Variants in STK3 observed in about 807,000 individuals in gnomAD.
STK3 encodes serine/threonine kinase 3.
A neutral mutation model predicts 58.0 loss-of-function variants in STK3; 41 were observed. The ratio of observed to expected loss-of-function variants is 0.71; its 90% CI spans 0.55 to 0.92. The LOEUF (loss-of-function observed/expected upper bound fraction) is 0.92, where lower values mean the gene tolerates loss of function less well. Among genes scored for constraint, STK3 ranks in the 40% least tolerant of loss-of-function variants. The pLI, the probability that STK3 is intolerant of heterozygous loss-of-function variation, is 0.00. For missense variants in STK3, 479 were observed against 602.7 expected, an observed-to-expected ratio of 0.79 and a Z score of 2.15; for synonymous variants, 170 against 191.0, an observed-to-expected ratio of 0.89 and a Z score of 0.91.
chr8:98,400,035 C>T (rs145671739), downstream of STK3, among the ~76,000 whole-genome samples: 8 of 152,310 alleles, frequency 5.3e-5, no homozygotes, highest in African/African-American at 7.2e-5. Flanking sequence ...CTGCTACCCA[C>T]GCATCAGATC....
chr8:98,715,667 C>CT (rs889789902), intron 4 of STK3, among the ~76,000 whole-genome samples: 7 of 152,154 alleles, frequency 4.6e-5, no homozygotes, highest in Non-Finnish European at 8.8e-5. Flanking sequence ...AATAGGAACA[C>CT]TTTTACACTG....
intron 6 of STK3, chr8:98,597,544 A>G (rs935637433): frequency 1.0e-6 from 1 of 985,330 alleles, no homozygotes; most frequent in Non-Finnish European, 1.2e-6. Flanking sequence ...TATAATTTAG[A>G]GGTATCAAAA....
At chr8:98,789,660 A>G (rs1304991159) in intron 1 of STK3, among the ~76,000 whole-genome samples, 1 of 152,196 alleles carries the variant, frequency 6.6e-6, no homozygotes, top group Non-Finnish European at 1.5e-5. Flanking sequence ...CCTAGAGGAG[A>G]TAGATAAATT....
At chr8:98,409,618 C>CTTGCAATGTGAATT (rs886766494) in intron 3 of STK3, among the ~76,000 whole-genome samples, 7 of 152,252 alleles carry the variant, frequency 4.6e-5, no homozygotes, top group African/African-American at 1.7e-4. Context: ...GCTACCGCAC[C>CTTGCAATGTGAATT]TTGCAATGTG....
chr8:98,696,104 G>A lies in STK3; in HGVS notation c.684+10363C>T, dbSNP rs12545950. Among the ~76,000 whole-genome samples, 54 of 152,186 alleles carry A rather than the reference G, an allele frequency of 3.5e-4. No individual in the cohort carries two copies. In the South Asian group the frequency reaches 5.0e-3, roughly 14 times the overall value. ...TGTCCCTTGTAAGTTGGATTCCCAG[G>A]TATTTTATTCTCTTTGAAGCAATTG... is the stretch of plus-strand genomic sequence containing the variant. On this transcript the variant is annotated intron_variant, in intron 6 of 10. Coordinates refer to ENST00000419617, the MANE Select transcript of STK3 (RefSeq NM_006281.4).
intron 1 of STK3, among the ~76,000 whole-genome samples, chr8:98,910,131 T>C (rs1176406834): frequency 2.6e-5 from 4 of 152,244 alleles, no homozygotes; most frequent in Admixed American, 2.0e-4. Context: ...TATTGGTCTC[T>C]TGTACAGCTT....
chr8:98,793,675 C>A (rs1276943207), intron 1 of STK3, among the ~76,000 whole-genome samples: 1 of 152,196 alleles, frequency 6.6e-6, no homozygotes, highest in Non-Finnish European at 1.5e-5. Context: ...GACTTAAATT[C>A]AACACATGAT....
At chr8:98,744,456 T>A (rs1829488214) in intron 4 of STK3, among the ~76,000 whole-genome samples, 2 of 151,462 alleles carry the variant, frequency 1.3e-5, no homozygotes, top group South Asian at 2.1e-4. Context: ...TTGGAAATCA[T>A]CATTCTCAGT....
rs201122636 is a variant in STK3 at position 98,428,590 on chromosome 8, T to C, written n.483+5537A>G. 3.7e-4 allele frequency: 601 copies of C among 1,614,148 alleles called. No individual in the cohort carries two copies. The highest frequency in any genetic ancestry group is 7.6e-4 in the South Asian group (69 of 91,078). On this transcript the variant is annotated intron_variant and non_coding_transcript_variant, in intron 3 of 3. Coordinates refer to the STK3 transcript ENST00000517832. This position sits in a 1 kb window ranked among gnomAD's most constrained non-coding sequence, Gnocchi z 6.7. ...GTGGTGATGGGGTCCATCATCACCA[T>C]GTGCCTCAATAGCCTGCCCGATTTC...
At chr8:98,426,998 A>T (rs1025931111) in intron 3 of STK3, 1 of 148,580 alleles carries the variant, frequency 6.7e-6, no homozygotes. Flanking sequence ...GCCCCGTCAC[A>T]CCCGCTCTGC....
chr8:98,678,997 G>A (rs532260278), intron 6 of STK3, among the ~76,000 whole-genome samples: 2 of 152,170 alleles, frequency 1.3e-5, no homozygotes, highest in Non-Finnish European at 2.9e-5. Flanking sequence ...CTTTAGCATT[G>A]TCAGTGCTCT....
At chr8:98,694,269 T>G (rs1273385686) in intron 6 of STK3, among the ~76,000 whole-genome samples, 1 of 152,210 alleles carries the variant, frequency 6.6e-6, no homozygotes, top group Non-Finnish European at 1.5e-5. Flanking sequence ...CTCCTTATGT[T>G]TGAAAATATC....
rs981059028 is a variant in STK3, at chr8:98,800,119, C to A, written c.27-25300G>T. Among the ~76,000 whole-genome samples the A allele has an allele frequency of 1.3e-5, 2 of 152,208 alleles. No individual in the cohort carries two copies. The highest frequency in any genetic ancestry group is 2.4e-5 in the African/African-American group (1 of 41,446). On this transcript the variant is annotated intron_variant, in intron 1 of 10. Transcript: ENST00000419617. The surrounding 1 kb of genome is among the most constrained non-coding windows in gnomAD (Gnocchi z 4.8). ...TCTAGGTCCCGTGGCAGCCATCTTGCCGCTACTCGCCTTTGGACCCTATAT... is the reference window on the plus strand; with the variant it reads ...TCTAGGTCCCGTGGCAGCCATCTTGACGCTACTCGCCTTTGGACCCTATAT...
intron 4 of STK3, among the ~76,000 whole-genome samples, chr8:98,734,829 C>T (rs1158208695): frequency 6.6e-6 from 1 of 150,634 alleles, no homozygotes; most frequent in East Asian, 1.9e-4. Context: ...CACTTGACTC[C>T]TCAAAAAAAA....
intron 3 of STK3, among the ~76,000 whole-genome samples, chr8:98,869,625 C>G (rs541811745): frequency 1.3e-5 from 2 of 151,988 alleles, no homozygotes; most frequent in Non-Finnish European, 2.9e-5. Flanking sequence ...CTGGAGCCCC[C>G]GAAAGCTGGG....
intron 3 of STK3, among the ~76,000 whole-genome samples, chr8:98,421,801 T>G (rs55942631): frequency 0.056 from 8,480 of 151,990 alleles, 329 homozygotes; most frequent in Non-Finnish European, 0.084. Context: ...AATAAAAAAT[T>G]AATTATTCCA....
At chr8:98,427,851 G>A in intron 3 of STK3, 1 of 722,874 alleles carries the variant, frequency 1.4e-6, no homozygotes, top group Non-Finnish European at 2.2e-6. Flanking sequence ...CCCACCAGGA[G>A]GCCTGGGCCC....
chr8:98,750,710 T>G (rs1370138585), intron 3 of STK3, among the ~76,000 whole-genome samples: 1 of 151,958 alleles, frequency 6.6e-6, no homozygotes, highest in East Asian at 1.9e-4. Flanking sequence ...TGAAACTATT[T>G]CAAAAAATTG....
chr8:98,854,403 T>C (rs939684174), intron 3 of STK3, among the ~76,000 whole-genome samples: 3 of 152,208 alleles, frequency 2.0e-5, no homozygotes, highest in African/African-American at 7.2e-5. Context: ...CCTCCCAAAA[T>C]GCCGAGATTA....
Sources: allele counts gnomAD v4.1 joint callset (sites outside exome capture counted in the v4.1 genomes callset), GRCh38; gene constraint gnomAD v4.1.1; non-coding constraint Gnocchi (gnomAD v3.1); transcripts MANE v1.5; gene names NCBI Gene and HGNC (gene_info 2026-07-23, HGNC 2026-07-21).